DLG1: variants seen among roughly 807,000 people sequenced by gnomAD.
DLG1 encodes the protein discs large MAGUK scaffold protein 1, also known as disks large homolog 1.
DLG1 carries 42 observed loss-of-function variants against 123.4 expected under a neutral mutation model. The observed-to-expected ratio is 0.34, with a 90% CI of 0.27 to 0.44. DLG1 has a LOEUF of 0.44. Among genes scored for constraint, DLG1 ranks in the 20% least tolerant of loss-of-function variants. DLG1 has a pLI of 1.00. For synonymous variants in DLG1, 317 were observed against 356.2 expected (o/e 0.89, Z 1.24); for missense variants, 942 against 1,082.6 (o/e 0.87, Z 1.82).
At chr3:197,232,150 T>C (rs1390599417) in intron 4 of DLG1, among the ~76,000 whole-genome samples, 2 of 152,046 alleles carry the variant, frequency 1.3e-5, no homozygotes, top group Non-Finnish European at 1.5e-5. Context: ...AAAACAGCTA[T>C]TTGGATTGCC....
intron 5 of DLG1, among the ~76,000 whole-genome samples, chr3:197,187,694 A>G (rs1355204501): frequency 1.3e-5 from 2 of 152,076 alleles, no homozygotes; most frequent in African/African-American, 4.8e-5. Flanking sequence ...GTACATTTCA[A>G]ACTTTTTGGG....
intron 6 of DLG1, 82 bp from the exon 7 acceptor site, chr3:197,142,850 T>A (rs2149678397): frequency 9.5e-7 from 1 of 1,056,446 alleles, no homozygotes; most frequent in Non-Finnish European, 1.4e-6. Context: ...TATGATTTAT[T>A]AATGAAAACC....
intron 5 of DLG1, chr3:197,183,500 C>T (rs895479549): frequency 2.3e-6 from 3 of 1,311,996 alleles, no homozygotes; most frequent in Non-Finnish European, 3.1e-6. Flanking sequence ...AATAAAAAAT[C>T]TATATTAAGA....
chr3:197,280,651 G>A lies in DLG1; in HGVS notation c.318+2028C>T, dbSNP rs193012221. ...CAATGGTTACATTACTTAAACAATC[G>A]CCTATAAAAATAAGTAAATCGAGTA... is the stretch of plus-strand genomic sequence containing the variant. On this transcript the variant is annotated intron_variant, in intron 4 of 24. Transcript: ENST00000667157. Among the ~76,000 whole-genome samples the A allele has an allele frequency of 2.4e-3, 361 of 151,988 alleles. 1 individual carries two copies. Among genetic ancestry groups the A allele is most frequent in the Admixed American group, 3.9e-3 (59 of 15,286 alleles).
chr3:197,148,169 C>T (rs1024122486), intron 6 of DLG1, among the ~76,000 whole-genome samples: 3 of 142,022 alleles, frequency 2.1e-5, no homozygotes, highest in South Asian at 2.2e-4. Context: ...GAGGCTGAGG[C>T]GGGCTGGATG....
chr3:197,188,813 T>A (rs956608068), intron 5 of DLG1, among the ~76,000 whole-genome samples: 1 of 152,226 alleles, frequency 6.6e-6, no homozygotes, highest in African/African-American at 2.4e-5. Context: ...TCTGGTTTTT[T>A]AAAAATTAAG....
At chr3:197,227,647 C>CA (rs1740680703) in intron 4 of DLG1, among the ~76,000 whole-genome samples, 1 of 152,138 alleles carries the variant, frequency 6.6e-6, no homozygotes, top group Admixed American at 6.5e-5. Flanking sequence ...TGCCAAAAGA[C>CA]AAAAATTCCC....
chr3:197,139,529 A>G (rs760792741), intron 8 of DLG1, among the ~76,000 whole-genome samples: 26 of 152,208 alleles, frequency 1.7e-4, no homozygotes, highest in Non-Finnish European at 2.9e-4. Flanking sequence ...AAAATGACAT[A>G]ATTTATGACC....
chr3:197,129,151 G>A (rs961167722), intron 11 of DLG1, among the ~76,000 whole-genome samples: 4 of 152,194 alleles, frequency 2.6e-5, no homozygotes, highest in Admixed American at 6.5e-5. Context: ...GTCCTAAAAG[G>A]TGTCTTTTTC....
intron 4 of DLG1, among the ~76,000 whole-genome samples, chr3:197,223,467 G>A (rs1361708885): frequency 1.3e-5 from 2 of 152,166 alleles, no homozygotes. Flanking sequence ...ACTTTTTAAA[G>A]ATACTTAATT....
chr3:197,224,955 T>C (rs1350080801), intron 4 of DLG1, among the ~76,000 whole-genome samples: 2 of 152,202 alleles, frequency 1.3e-5, no homozygotes, highest in African/African-American at 4.8e-5. Context: ...CCACATGTTG[T>C]TTTTATTGTT....
At chr3:197,149,705 G>A (rs1035940420) in intron 6 of DLG1, 38 bp downstream of exon 6, 1 of 1,348,288 alleles carries the variant, frequency 7.4e-7, no homozygotes, top group Non-Finnish European at 1.1e-6. Flanking sequence ...AACAGGAAAG[G>A]CAGAATTACT....
chr3:197,290,632 G>A (rs1420300336), intron 3 of DLG1, among the ~76,000 whole-genome samples: 1 of 152,070 alleles, frequency 6.6e-6, no homozygotes. Flanking sequence ...AGAGTGGAAG[G>A]AACTGCGTTT....
chr3:197,065,126 T>C (rs991872069), intron 22 of DLG1, 150 bp downstream of exon 22: 1 of 637,160 alleles, frequency 1.6e-6, no homozygotes, highest in African/African-American at 1.9e-5. Flanking sequence ...TTGTATGCAC[T>C]TTCCTAAGCC....
At chr3:197,182,512 T>G (rs997794228) in intron 5 of DLG1, among the ~76,000 whole-genome samples, 1 of 152,094 alleles carries the variant, frequency 6.6e-6, no homozygotes, top group Non-Finnish European at 1.5e-5. Flanking sequence ...GTAAAGAAAT[T>G]TATAAAAAAC....
intron 4 of DLG1, among the ~76,000 whole-genome samples, chr3:197,270,774 T>C (rs1022445522): frequency 1.3e-5 from 2 of 152,160 alleles, no homozygotes; most frequent in Non-Finnish European, 2.9e-5. Flanking sequence ...CAACCTGATA[T>C]TGTGAGCCTC....
At chr3:197,195,061 C>T (rs1316482890) in intron 4 of DLG1, among the ~76,000 whole-genome samples, 1 of 151,970 alleles carries the variant, frequency 6.6e-6, no homozygotes, top group African/African-American at 2.4e-5. Context: ...CTCTCACACA[C>T]ACACACCTCT....
chr3:197,132,161 A>G lies in DLG1; in HGVS notation c.1021-1490T>C, dbSNP rs374015967. ...TGTCATTTTGTTGATTTTTTTTTCA[A>G]AGGACCAACTTTCAGTTTTGTCTGT... is the stretch of plus-strand genomic sequence containing the variant. On this transcript the variant is annotated intron_variant, in intron 10 of 24. Coordinates refer to ENST00000667157, the MANE Select transcript of DLG1 (RefSeq NM_001366207.1). Among the ~76,000 whole-genome samples, 640 of 151,988 alleles carry G rather than the reference A, an allele frequency of 4.2e-3. 1 individual carries two copies. The highest frequency in any genetic ancestry group is 0.022 in the South Asian group (106 of 4,822).
intron 19 of DLG1, among the ~76,000 whole-genome samples, chr3:197,068,886 C>T (rs367916926): frequency 6.6e-6 from 1 of 152,008 alleles, no homozygotes; most frequent in Non-Finnish European, 1.5e-5. Context: ...TATTTTAGTG[C>T]TCATGTTAAA....
Sources: gnomAD v4.1 joint callset for allele counts (sites outside exome capture counted in the v4.1 genomes callset) on GRCh38, gnomAD v4.1.1 for gene constraint, MANE v1.5 for transcripts, NCBI Gene and HGNC (gene_info 2026-07-23, HGNC 2026-07-21) for gene names.